The following AGMO variants were observed in gnomAD, a reference collection of about 807,000 sequenced individuals.
AGMO encodes glyceryl-ether monooxygenase.
Under a neutral mutation model 60.2 loss-of-function variants are expected in AGMO, and 75 were observed. The ratio of observed to expected loss-of-function variants is 1.25; its 90% confidence interval spans 1.03 to 1.51. AGMO has a LOEUF of 1.51. Ranked by LOEUF, AGMO falls within the 40% of genes most tolerant of loss-of-function variation. The pLI is 0.00. For synonymous variants in AGMO, 261 were observed against 177.1 expected, an observed-to-expected ratio of 1.47 and a Z score of -3.76; for missense variants, 763 against 525.5, an observed-to-expected ratio of 1.45 and a Z score of -4.42.
At chr7:15,286,074 T>C (rs1245917361) in intron 12 of AGMO, among the ~76,000 whole-genome samples, 1 of 151,936 alleles carries the variant, frequency 6.6e-6, no homozygotes, top group African/African-American at 2.4e-5. Context: ...AAAAATCAAC[T>C]CAAGATGGAC....
At chr7:15,295,302 A>G (rs1244364077) in intron 12 of AGMO, among the ~76,000 whole-genome samples, 3 of 152,060 alleles carry the variant, frequency 2.0e-5, no homozygotes, top group Non-Finnish European at 4.4e-5. Flanking sequence ...TATTTCTTCA[A>G]AAAAATATTT....
downstream of AGMO, among the ~76,000 whole-genome samples, chr7:15,197,348 GATTAA>G (rs1177854449): frequency 7.9e-5 from 12 of 152,022 alleles, no homozygotes; most frequent in Admixed American, 1.3e-4. Context: ...CACACTGAGG[GATTAA>G]ATTATATAAT....
intron 12 of AGMO, among the ~76,000 whole-genome samples, chr7:15,258,125 A>G (rs1424812204): frequency 6.6e-6 from 1 of 152,192 alleles, no homozygotes; most frequent in Admixed American, 6.5e-5. Flanking sequence ...TTAATGTACT[A>G]TTTTAGGTTA....
chr7:15,409,800 G>A (rs1784791560), intron 5 of AGMO, among the ~76,000 whole-genome samples: 1 of 151,732 alleles, frequency 6.6e-6, no homozygotes, highest in Non-Finnish European at 1.5e-5. Flanking sequence ...GTAGATTAGA[G>A]CAAAGAATAT....
intron 3 of AGMO, among the ~76,000 whole-genome samples, chr7:15,473,204 G>A (rs768481926): frequency 2.6e-4 from 40 of 151,932 alleles, no homozygotes; most frequent in Admixed American, 6.6e-4. Context: ...CCAGGAAGAA[G>A]TGGAATTCCT....
At chr7:15,261,368 G>T (rs145975409) in intron 12 of AGMO, among the ~76,000 whole-genome samples, 2 of 152,094 alleles carry the variant, frequency 1.3e-5, no homozygotes, top group African/African-American at 4.8e-5. Context: ...ATGCTACTAT[G>T]AACATCTTTA....
intron 12 of AGMO, among the ~76,000 whole-genome samples, chr7:15,279,267 G>C (rs1336930485): frequency 6.6e-6 from 1 of 152,084 alleles, no homozygotes; most frequent in Non-Finnish European, 1.5e-5. Flanking sequence ...GCTGTGCACT[G>C]GTCCCAGCTC....
chr7:15,159,503 C>T, the AGMO span, among the ~76,000 whole-genome samples: 4 of 152,128 alleles, frequency 2.6e-5, no homozygotes, highest in Non-Finnish European at 4.4e-5. Flanking sequence ...TCCCTAGGCT[C>T]ATTCTCATTT....
intron 12 of AGMO, among the ~76,000 whole-genome samples, chr7:15,240,671 T>C (rs1317943086): frequency 6.6e-6 from 1 of 152,152 alleles, no homozygotes; most frequent in Admixed American, 6.5e-5. Context: ...ATTCCACATT[T>C]CTAATAAATA....
At position 15,534,724 on chromosome 7, in the gene AGMO, A is replaced by G. The variant is rs534253874; in HGVS notation, c.409+10048T>C. The stretch of plus-strand genomic sequence containing the variant: ...TATGATACATTTGTACATATACACA[A>G]ATATATTATATCTTTATAAGGTCCT... On this transcript the variant is annotated intron_variant, in intron 3 of 12. Coordinates refer to ENST00000342526, the MANE Select transcript of AGMO (RefSeq NM_001004320.2). 2.4e-4 allele frequency among the ~76,000 whole-genome samples: 36 copies of G among 151,992 alleles called. No homozygotes were observed. In the East Asian group the frequency reaches 6.8e-3, roughly 29 times the overall value.
the AGMO span, among the ~76,000 whole-genome samples, chr7:15,178,874 T>A: frequency 6.6e-6 from 1 of 152,050 alleles, no homozygotes; most frequent in Non-Finnish European, 1.5e-5. Flanking sequence ...GGCATGAACA[T>A]CTGGCAAAGG....
chr7:15,135,162 T>TTGTGTG, the AGMO span, among the ~76,000 whole-genome samples: 2 of 102,006 alleles, frequency 2.0e-5, no homozygotes, highest in African/African-American at 6.9e-5. Context: ...TTATATGAGT[T>TTGTGTG]TGTGTGTGTG....
chr7:15,167,506 A>T, the AGMO span, among the ~76,000 whole-genome samples: 40 of 152,340 alleles, frequency 2.6e-4, no homozygotes, highest in African/African-American at 9.4e-4. Context: ...TGCTTTGGCA[A>T]TTACAACCTC....
intron 5 of AGMO, among the ~76,000 whole-genome samples, chr7:15,394,581 T>G (rs1365714999): frequency 6.6e-6 from 1 of 152,186 alleles, no homozygotes; most frequent in African/African-American, 2.4e-5. Context: ...TACACACCAC[T>G]ATCACCAAGG....
At chr7:15,437,812 T>A (rs906186746) in intron 3 of AGMO, among the ~76,000 whole-genome samples, 1 of 152,182 alleles carries the variant, frequency 6.6e-6, no homozygotes, top group Non-Finnish European at 1.5e-5. Flanking sequence ...AGTGCTGAGA[T>A]TACAGGCGTG....
At chr7:15,147,047 G>A in the AGMO span, among the ~76,000 whole-genome samples, 1 of 152,030 alleles carries the variant, frequency 6.6e-6, no homozygotes, top group Non-Finnish European at 1.5e-5. Context: ...TTAAAGAATA[G>A]TAAAGTGCTC....
At chr7:15,392,061 TTTA>T (rs1419635871) in intron 6 of AGMO, among the ~76,000 whole-genome samples, 2 of 152,024 alleles carry the variant, frequency 1.3e-5, no homozygotes, top group African/African-American at 4.8e-5. Flanking sequence ...TCCTATATTT[TTTA>T]TTTTTTAATT....
At chr7:15,389,223 G>C (rs992651224) in intron 8 of AGMO, among the ~76,000 whole-genome samples, 1 of 152,114 alleles carries the variant, frequency 6.6e-6, no homozygotes, top group African/African-American at 2.4e-5. Context: ...CTACTGAACA[G>C]AATCTGCATT....
chr7:15,133,875 T>C, the AGMO span, among the ~76,000 whole-genome samples: 1 of 152,200 alleles, frequency 6.6e-6, no homozygotes, highest in Non-Finnish European at 1.5e-5. Context: ...GCCGTGGATC[T>C]GAAACTGAAC....
Sources: gnomAD v4.1 joint callset for allele counts (sites outside exome capture counted in the v4.1 genomes callset) on GRCh38, gnomAD v4.1.1 for gene constraint, MANE v1.5 for transcripts, NCBI Gene and HGNC (gene_info 2026-07-23, HGNC 2026-07-21) for gene names.